The following ATRNL1 variants were observed in gnomAD, a reference collection of about 807,000 sequenced individuals.
ATRNL1 encodes attractin like 1, also known as attractin-like protein 1.
Under a neutral mutation model 182.7 loss-of-function variants are expected in ATRNL1, and 95 were observed. The observed-to-expected ratio is 0.52, with a 90% CI of 0.44 to 0.62. ATRNL1 has a LOEUF of 0.62. Ranked by LOEUF, ATRNL1 falls within the 20% of genes least tolerant of loss-of-function variation. The pLI is 0.00. For synonymous variants in ATRNL1, 576 were observed against 568.3 expected, an observed-to-expected ratio of 1.01 and a Z score of -0.19; for missense variants, 1,471 against 1,679.5, an observed-to-expected ratio of 0.88 and a Z score of 2.17.
chr10:115,539,733 A>G (rs1417028414), intron 25 of ATRNL1, among the ~76,000 whole-genome samples: 2 of 152,176 alleles, frequency 1.3e-5, no homozygotes, highest in East Asian at 3.9e-4. Context: ...AAAATGGCTC[A>G]CAGTGGGAAG....
At chr10:115,753,695 A>T (rs1555071231) in intron 27 of ATRNL1, among the ~76,000 whole-genome samples, 1 of 152,142 alleles carries the variant, frequency 6.6e-6, no homozygotes, top group African/African-American at 2.4e-5. Context: ...ATACCCAGTA[A>T]TGGGATTGCT....
chr10:115,429,796 T>G (rs990657459), intron 21 of ATRNL1, among the ~76,000 whole-genome samples: 2 of 152,090 alleles, frequency 1.3e-5, no homozygotes, highest in African/African-American at 2.4e-5. Context: ...GGCCGGGCGC[T>G]GTGGCTCACA....
At chr10:115,864,778 C>A (rs530398905) in intron 28 of ATRNL1, among the ~76,000 whole-genome samples, 1 of 152,028 alleles carries the variant, frequency 6.6e-6, no homozygotes, top group Non-Finnish European at 1.5e-5. Flanking sequence ...GTCGGGAGAT[C>A]GAGACCATCC....
chr10:115,223,929 A>ATATATATATATTT (rs1420143943), intron 9 of ATRNL1, among the ~76,000 whole-genome samples: 65 of 44,722 alleles, frequency 1.5e-3, no homozygotes, highest in African/African-American at 4.5e-3. Flanking sequence ...ATATATATAT[A>ATATATATATATTT]TTTTTTTTTT....
chr10:115,649,312 G>A (rs1555033678), intron 26 of ATRNL1, among the ~76,000 whole-genome samples: 3 of 152,118 alleles, frequency 2.0e-5, no homozygotes, highest in East Asian at 3.9e-4. Flanking sequence ...TCATAATAAG[G>A]CCTCTGAAGG....
At chr10:115,361,069 T>A (rs1170146509) in intron 19 of ATRNL1, among the ~76,000 whole-genome samples, 1 of 151,968 alleles carries the variant, frequency 6.6e-6, no homozygotes, top group Non-Finnish European at 1.5e-5. Flanking sequence ...GGTGCTATTT[T>A]ATCCTTTACA....
intron 26 of ATRNL1, among the ~76,000 whole-genome samples, chr10:115,588,033 A>C (rs2133908220): frequency 6.6e-6 from 1 of 152,340 alleles, no homozygotes; most frequent in Middle Eastern, 3.4e-3. Context: ...CAAATTCACT[A>C]GGTTACACAG....
chr10:115,863,286 T>G (rs1336854914), intron 28 of ATRNL1, among the ~76,000 whole-genome samples: 1 of 152,114 alleles, frequency 6.6e-6, no homozygotes, highest in Non-Finnish European at 1.5e-5. Flanking sequence ...ATAACTATGC[T>G]GGGGGTATAG....
At chr10:115,818,055 C>T (rs544177695) in intron 27 of ATRNL1, among the ~76,000 whole-genome samples, 2 of 152,106 alleles carry the variant, frequency 1.3e-5, no homozygotes, top group South Asian at 4.1e-4. Context: ...TCTCCATTCC[C>T]TCCTCTTTTA....
intron 28 of ATRNL1, among the ~76,000 whole-genome samples, chr10:115,859,546 A>G (rs776405054): frequency 6.6e-6 from 1 of 152,182 alleles, no homozygotes; most frequent in Non-Finnish European, 1.5e-5. Context: ...ACTTGAGAAA[A>G]TATGTAAAGG....
At chr10:115,140,261 C>T (rs1845704103) in intron 5 of ATRNL1, among the ~76,000 whole-genome samples, 2 of 152,154 alleles carry the variant, frequency 1.3e-5, no homozygotes, top group South Asian at 4.1e-4. Context: ...AAGAGGTTCT[C>T]TTTCTGGACA....
At chr10:115,609,960 G>A (rs1320611270) in intron 26 of ATRNL1, among the ~76,000 whole-genome samples, 2 of 152,176 alleles carry the variant, frequency 1.3e-5, no homozygotes, top group African/African-American at 2.4e-5. Flanking sequence ...GTCTAATCAT[G>A]TGGACAGAAG....
intron 18 of ATRNL1, among the ~76,000 whole-genome samples, chr10:115,326,638 C>A (rs1293620509): frequency 6.6e-6 from 1 of 151,728 alleles, no homozygotes; most frequent in African/African-American, 2.4e-5. Flanking sequence ...CAATCCTAAG[C>A]CAAAAGAACA....
At chr10:115,296,106 A>G (rs1554922487) in intron 15 of ATRNL1, among the ~76,000 whole-genome samples, 2 of 152,184 alleles carry the variant, frequency 1.3e-5, no homozygotes, top group Non-Finnish European at 2.9e-5. Flanking sequence ...ATTCTTCTGT[A>G]GTAAGGATTA....
intron 28 of ATRNL1, among the ~76,000 whole-genome samples, chr10:115,853,524 G>A (rs75136599): frequency 0.016 from 2,420 of 152,218 alleles, 77 homozygotes; most frequent in African/African-American, 0.056. Context: ...GTTTCTAGCA[G>A]CCTCTGAAAT....
chr10:115,719,735 A>G (rs975111773), intron 26 of ATRNL1, among the ~76,000 whole-genome samples: 3 of 152,116 alleles, frequency 2.0e-5, no homozygotes, highest in South Asian at 2.1e-4. Context: ...GATTTTACCA[A>G]GGTCTATCCA....
intron 23 of ATRNL1, among the ~76,000 whole-genome samples, chr10:115,468,653 T>G (rs893559114): frequency 6.6e-6 from 1 of 150,822 alleles, no homozygotes. Flanking sequence ...TTTAAAGCAG[T>G]GATGGTTCAA....
At chr10:115,421,541 A>G (rs1327735654) in intron 20 of ATRNL1, among the ~76,000 whole-genome samples, 3 of 152,192 alleles carry the variant, frequency 2.0e-5, no homozygotes, top group Non-Finnish European at 4.4e-5. Flanking sequence ...GAGGGAACAC[A>G]CCTCAACATA....
chr10:115,133,006 C>A (rs1845326839), intron 5 of ATRNL1, among the ~76,000 whole-genome samples: 1 of 152,152 alleles, frequency 6.6e-6, no homozygotes, highest in Non-Finnish European at 1.5e-5. Context: ...AGTCCTTGCC[C>A]ATGCCTATGT....
Sources: allele counts gnomAD v4.1 joint callset (sites outside exome capture counted in the v4.1 genomes callset), GRCh38; gene constraint gnomAD v4.1.1; transcripts MANE v1.5; gene names NCBI Gene and HGNC (gene_info 2026-07-23, HGNC 2026-07-21).